SAMMSON: variants seen among roughly 807,000 people sequenced by gnomAD.
The protein encoded by SAMMSON is survival associated mitochondrial melanoma specific oncogenic non-coding RNA.
chr3:70,134,578 CAT>C (rs2067498488), intron 4 of SAMMSON, among the ~76,000 whole-genome samples: 2 of 152,016 alleles, frequency 1.3e-5, no homozygotes, highest in South Asian at 4.1e-4. Flanking sequence ...TACATAGAAG[CAT>C]AGTTATATTT....
At chr3:70,228,216 A>G (rs1575601916) in intron 4 of SAMMSON, among the ~76,000 whole-genome samples, 1 of 152,210 alleles carries the variant, frequency 6.6e-6, no homozygotes, top group Non-Finnish European at 1.5e-5. Flanking sequence ...AATATCCACT[A>G]TGCTATCTAC....
At chr3:70,234,928 C>G (rs143813366) in intron 4 of SAMMSON, among the ~76,000 whole-genome samples, 1 of 152,134 alleles carries the variant, frequency 6.6e-6, no homozygotes, top group Non-Finnish European at 1.5e-5. Context: ...AGAAACCTCA[C>G]GGTTTCCTGA....
In SAMMSON at chr3:70,163,076, C is replaced by CT. The variant is rs200917269; in HGVS notation, n.508-86023dup. Among the ~76,000 whole-genome samples the CT allele has an allele frequency of 5.6e-4, 84 of 150,836 alleles. No homozygotes were observed. The South Asian group carries it at 0.013, about 23-fold the overall frequency. ...TTTATAGGAAGTATATAATCGAATC[C>CT]TTTTTTTTCATTATCTAGTCTGACA... On this transcript the variant is annotated intron_variant and non_coding_transcript_variant, in intron 4 of 9. Transcript: ENST00000642114.
intron 2 of SAMMSON, among the ~76,000 whole-genome samples, chr3:70,434,004 A>T (rs769396552): frequency 6.6e-6 from 1 of 152,160 alleles, no homozygotes; most frequent in Non-Finnish European, 1.5e-5. Flanking sequence ...TCATCTGTTC[A>T]TCTATTCTTT....
rs935624003 is a variant in SAMMSON at position 70,230,632 on chromosome 3, C to CA, written n.508-18468dup. On this transcript the variant is annotated intron_variant and non_coding_transcript_variant, in intron 4 of 9. Transcript: ENST00000642114. ...AAAAACTGGTTTAATTTAACAACAA[C>CA]AAAAAAAGTTGAGCTGCAATGACAG... Among the ~76,000 whole-genome samples the CA allele has an allele frequency of 7.9e-5, 12 of 152,188 alleles. No homozygotes were observed. In the South Asian group the frequency reaches 2.5e-3, roughly 32 times the overall value.
At chr3:70,002,573 T>C (rs1055371674) in intron 1 of SAMMSON, among the ~76,000 whole-genome samples, 2 of 152,196 alleles carry the variant, frequency 1.3e-5, no homozygotes, top group Admixed American at 6.5e-5. Flanking sequence ...TTTATAGTTA[T>C]TTTTGAAGAG....
intron 4 of SAMMSON, chr3:70,183,548 A>G (rs1162245268): frequency 2.6e-5 from 4 of 152,244 alleles, no homozygotes; most frequent in Non-Finnish European, 4.4e-5. Flanking sequence ...ATTGTTGAAT[A>G]TGCAACTGGT....
intron 7 of SAMMSON, among the ~76,000 whole-genome samples, chr3:70,331,648 T>C (rs1559565457): frequency 1.3e-5 from 2 of 152,204 alleles, no homozygotes; most frequent in Non-Finnish European, 2.9e-5. Context: ...GATTCACCTA[T>C]TTAAGCTTTT....
intron 4 of SAMMSON, among the ~76,000 whole-genome samples, chr3:70,156,118 T>G (rs2067590915): frequency 6.6e-6 from 1 of 151,944 alleles, no homozygotes; most frequent in Non-Finnish European, 1.5e-5. Flanking sequence ...CCAAGTTTAA[T>G]TTACTAAGTC....
chr3:70,360,979 G>A (rs1212810786), intron 9 of SAMMSON, among the ~76,000 whole-genome samples: 1 of 152,062 alleles, frequency 6.6e-6, no homozygotes, highest in Non-Finnish European at 1.5e-5. Flanking sequence ...TATTTTACCA[G>A]CATTCTACCA....
chr3:70,254,472 C>A (rs1701796626), intron 6 of SAMMSON, among the ~76,000 whole-genome samples: 1 of 152,056 alleles, frequency 6.6e-6, no homozygotes, highest in South Asian at 2.1e-4. Context: ...GAAAAATAGA[C>A]CTTCTTTTGG....
At chr3:70,104,088 C>G (rs766654229) in intron 4 of SAMMSON, among the ~76,000 whole-genome samples, 1 of 150,312 alleles carries the variant, frequency 6.7e-6, no homozygotes, top group East Asian at 2.0e-4. Context: ...CAATGGTGTT[C>G]AAGTCAGAAG....
At chr3:70,176,426 A>C (rs1331730950) in intron 4 of SAMMSON, among the ~76,000 whole-genome samples, 1 of 152,162 alleles carries the variant, frequency 6.6e-6, no homozygotes, top group African/African-American at 2.4e-5. Flanking sequence ...ATCATTTGAG[A>C]GTTTAGCTTC....
Position 70,081,952 on chromosome 3 carries a change from T to C in SAMMSON, n.507+10387T>C, listed in dbSNP as rs74931020. Among the ~76,000 whole-genome samples, 486 of 152,302 alleles carry C rather than the reference T, an allele frequency of 3.2e-3. 1 individual carries two copies. Among genetic ancestry groups the C allele is most frequent in the Non-Finnish European group, 4.8e-3 (325 of 68,024 alleles). On this transcript the variant is annotated intron_variant and non_coding_transcript_variant, in intron 4 of 9. Transcript: ENST00000642114. ...TAAGGAGTGTAGCCAAAATGATTAG[T>C]GTGACATTCAAATGCTTTACAGATT...
At chr3:70,426,557 T>G (rs996958710) in intron 2 of SAMMSON, among the ~76,000 whole-genome samples, 2 of 152,198 alleles carry the variant, frequency 1.3e-5, no homozygotes, top group Non-Finnish European at 2.9e-5. Context: ...TTCTCCTGCT[T>G]CTTCCTCCTC....
chr3:70,427,736 T>A (rs1017036304), intron 2 of SAMMSON, among the ~76,000 whole-genome samples: 1 of 61,740 alleles, frequency 1.6e-5, no homozygotes, highest in African/African-American at 5.5e-5. Flanking sequence ...AAACTCCGTC[T>A]CAAAAAAAAA....
rs185095043 is a variant in SAMMSON, at chr3:70,233,622, T to C, written n.508-15485T>C. 1.5e-4 allele frequency among the ~76,000 whole-genome samples: 23 copies of C among 151,940 alleles called. No individual in the cohort carries two copies. The East Asian group carries it at 4.3e-3, about 28-fold the overall frequency. On this transcript the variant is annotated intron_variant and non_coding_transcript_variant, in intron 4 of 9. Transcript: ENST00000642114. ...ATTTCCATCATACCCTCTGCCAGAGTTTCCCTATGTCCTTTTGTAATCCAT... is the reference window on the plus strand; with the variant it reads ...ATTTCCATCATACCCTCTGCCAGAGCTTCCCTATGTCCTTTTGTAATCCAT...
chr3:70,344,884 A>G (rs932706266), intron 7 of SAMMSON, among the ~76,000 whole-genome samples: 1 of 152,186 alleles, frequency 6.6e-6, no homozygotes, highest in East Asian at 1.9e-4. Flanking sequence ...AGAATAAGCC[A>G]TTTCTCCAAG....
At chr3:70,075,065 A>C (rs1332725829) in intron 4 of SAMMSON, 1 of 152,024 alleles carries the variant, frequency 6.6e-6, no homozygotes, top group African/African-American at 2.4e-5. Flanking sequence ...TGAGTTCTTG[A>C]GATCTATGCC....
Sources: allele counts gnomAD v4.1 joint callset (sites outside exome capture counted in the v4.1 genomes callset), GRCh38; gene constraint gnomAD v4.1.1; transcripts MANE v1.5; gene names NCBI Gene and HGNC (gene_info 2026-07-23, HGNC 2026-07-21).